Variants in DNM3 observed in about 807,000 individuals in gnomAD.
DNM3 encodes the protein dynamin-3.
DNM3 carries 47 observed loss-of-function variants against 101.6 expected under a neutral mutation model. That is an observed-to-expected ratio of 0.46 (90% CI 0.37 to 0.59). The LOEUF (loss-of-function observed/expected upper bound fraction) is 0.59, where lower values mean the gene tolerates loss of function less well. DNM3 is among the 20% of genes least tolerant of loss of function. The pLI is 0.00. For synonymous variants in DNM3, 385 were observed against 387.9 expected (o/e 0.99, Z 0.09); for missense variants, 849 against 1,085.7 (o/e 0.78, Z 3.06).
At chr1:172,057,275 A>G (rs1486925579) in intron 10 of DNM3, among the ~76,000 whole-genome samples, 1 of 152,228 alleles carries the variant, frequency 6.6e-6, no homozygotes, top group African/African-American at 2.4e-5. Flanking sequence ...ACTCTGCAAG[A>G]TATTATCCAG....
chr1:172,156,967 A>C (rs1449398781), intron 14 of DNM3, among the ~76,000 whole-genome samples: 1 of 152,036 alleles, frequency 6.6e-6, no homozygotes, highest in Non-Finnish European at 1.5e-5. Context: ...GGAGACCCCC[A>C]ACCTTTTTGG....
chr1:171,989,177 G>T, intron 4 of DNM3, 29 bp downstream of exon 4: 1 of 1,592,922 alleles, frequency 6.3e-7, no homozygotes, highest in Non-Finnish European at 8.6e-7. Context: ...AGATGAGAAG[G>T]AATTAAAGTG....
intron 14 of DNM3, among the ~76,000 whole-genome samples, chr1:172,168,418 G>T (rs570678858): frequency 6.6e-6 from 1 of 151,940 alleles, no homozygotes; most frequent in Non-Finnish European, 1.5e-5. Flanking sequence ...CAGGGTGAAT[G>T]CTTTAAATAG....
At chr1:172,218,653 G>A (rs2060793138) in intron 14 of DNM3, among the ~76,000 whole-genome samples, 1 of 152,034 alleles carries the variant, frequency 6.6e-6, no homozygotes, top group South Asian at 2.1e-4. Context: ...TGAAATATAT[G>A]TGGCTCCAAG....
At chr1:171,896,296 G>T (rs1389335598) in intron 1 of DNM3, among the ~76,000 whole-genome samples, 1 of 152,088 alleles carries the variant, frequency 6.6e-6, no homozygotes, top group Non-Finnish European at 1.5e-5. Flanking sequence ...CCATTTGTTT[G>T]TGTCCTCTTT....
intron 14 of DNM3, among the ~76,000 whole-genome samples, chr1:172,246,370 G>T (rs1271737066): frequency 6.6e-6 from 1 of 151,892 alleles, no homozygotes; most frequent in African/African-American, 2.4e-5. Context: ...TATAGGACTT[G>T]TCAGAATTTT....
chr1:172,191,579 G>A (rs2059725432), intron 14 of DNM3, among the ~76,000 whole-genome samples: 1 of 152,046 alleles, frequency 6.6e-6, no homozygotes, highest in African/African-American at 2.4e-5. Context: ...TGATAGGGAT[G>A]GCATTGAATC....
At chr1:171,983,774 G>A (rs965340902) in intron 2 of DNM3, among the ~76,000 whole-genome samples, 1 of 152,164 alleles carries the variant, frequency 6.6e-6, no homozygotes, top group African/African-American at 2.4e-5. Context: ...GCACATGACT[G>A]CCATCTTCTG....
intron 14 of DNM3, among the ~76,000 whole-genome samples, chr1:172,190,235 T>A (rs1287063362): frequency 2.0e-5 from 3 of 152,062 alleles, no homozygotes; most frequent in African/African-American, 7.2e-5. Context: ...ATTGTTCAAT[T>A]CCCACCTATG....
At chr1:171,898,699 T>TAGAG (rs1397573589) in intron 1 of DNM3, among the ~76,000 whole-genome samples, 3 of 79,708 alleles carry the variant, frequency 3.8e-5, no homozygotes, top group African/African-American at 1.4e-4. Context: ...TATACATATA[T>TAGAG]ATATATAGAG....
At chr1:172,010,659 A>G (rs1482301107) in intron 4 of DNM3, among the ~76,000 whole-genome samples, 10 of 56,664 alleles carry the variant, frequency 1.8e-4, no homozygotes, top group Admixed American at 6.1e-4. Flanking sequence ...CAGCAATTTA[A>G]TTATGGTGTG....
intron 15 of DNM3, among the ~76,000 whole-genome samples, chr1:172,295,220 TC>T (rs1227122495): frequency 2.6e-5 from 4 of 152,054 alleles, no homozygotes; most frequent in Non-Finnish European, 5.9e-5. Flanking sequence ...CAACCAGAAA[TC>T]CAGAGAGGCA....
At chr1:172,111,017 C>G (rs948154234) in intron 13 of DNM3, among the ~76,000 whole-genome samples, 4 of 152,334 alleles carry the variant, frequency 2.6e-5, no homozygotes, top group Non-Finnish European at 5.9e-5. Flanking sequence ...GCCTGAGTGA[C>G]AGAATGAGAC....
intron 1 of DNM3, among the ~76,000 whole-genome samples, chr1:171,892,543 C>T (rs1244326468): frequency 6.6e-6 from 1 of 152,184 alleles, no homozygotes; most frequent in East Asian, 1.9e-4. Flanking sequence ...ATGGATAATT[C>T]TAGCCTCCTC....
intron 4 of DNM3, among the ~76,000 whole-genome samples, chr1:172,021,257 G>A (rs1414825908): frequency 6.6e-6 from 1 of 152,142 alleles, no homozygotes; most frequent in Non-Finnish European, 1.5e-5. Context: ...AATTGCTTGA[G>A]GCCAGGAGTT....
At chr1:171,905,022 G>C (rs76666365) in intron 1 of DNM3, among the ~76,000 whole-genome samples, 14,139 of 152,156 alleles carry the variant, frequency 0.093, 815 homozygotes, top group South Asian at 0.23. Context: ...GAGCTCTTAG[G>C]CATATCTGAT....
At chr1:172,292,799 TA>T (rs1210746567) in intron 15 of DNM3, among the ~76,000 whole-genome samples, 3 of 152,132 alleles carry the variant, frequency 2.0e-5, no homozygotes, top group African/African-American at 4.8e-5. Context: ...GTTTACTATT[TA>T]AAAAAATGTG....
intron 14 of DNM3, among the ~76,000 whole-genome samples, chr1:172,143,849 G>A (rs965401993): frequency 6.6e-5 from 10 of 152,070 alleles, no homozygotes; most frequent in African/African-American, 2.4e-4. Flanking sequence ...TGCATTGTCT[G>A]GTAGGCAAGA....
Position 172,092,070 on chromosome 1 carries a change from A to T in DNM3, c.1494-754A>T, listed in dbSNP as rs867159409. 6.0e-4 allele frequency among the ~76,000 whole-genome samples: 91 copies of T among 152,280 alleles called. No homozygotes were observed. The Middle Eastern group carries it at 0.027, about 46-fold the overall frequency. ...TTGCCATTAGTTAAGAGGAGGAAGG[A>T]AGACTGTGGGTGGAACAGATTTTAG... On this transcript the variant is annotated intron_variant, in intron 12 of 20. Transcript: ENST00000627582.
Sources: allele counts gnomAD v4.1 joint callset (sites outside exome capture counted in the v4.1 genomes callset), GRCh38; gene constraint gnomAD v4.1.1; transcripts MANE v1.5; gene names NCBI Gene and HGNC (gene_info 2026-07-23, HGNC 2026-07-21).